The following CHP1 variants were observed in gnomAD, a reference collection of about 807,000 sequenced individuals.
CHP1 encodes the protein calcineurin B homologous protein 1.
In CHP1, 11 loss-of-function variants were observed where a neutral mutation model predicts 27.4. The ratio of observed to expected loss-of-function variants is 0.40; its 90% CI spans 0.25 to 0.67. The LOEUF (loss-of-function observed/expected upper bound fraction) is 0.67, where lower values mean the gene tolerates loss of function less well. CHP1 is among the 30% of genes least tolerant of loss of function. The probability of loss-of-function intolerance (pLI) is 0.38; values close to 1 mark genes in which losing one functional copy is unlikely to be tolerated. For synonymous variants in CHP1, 89 were observed against 87.4 expected, an observed-to-expected ratio of 1.02 and a Z score of -0.10; for missense variants, 169 against 251.3, an observed-to-expected ratio of 0.67 and a Z score of 2.22.
chr15:41,241,081 T>C (rs1368230896), intron 1 of CHP1, among the ~76,000 whole-genome samples: 1 of 152,136 alleles, frequency 6.6e-6, no homozygotes, highest in Non-Finnish European at 1.5e-5. Context: ...TCGATCTCTT[T>C]TCCTCAGCAT....
At chr15:41,247,294 G>A (rs918844849) in intron 2 of CHP1, among the ~76,000 whole-genome samples, 9 of 151,818 alleles carry the variant, frequency 5.9e-5, no homozygotes, top group Non-Finnish European at 1.0e-4. Context: ...GCTTGAACCC[G>A]GGAGGCGGAG....
intron 4 of CHP1, among the ~76,000 whole-genome samples, chr15:41,268,705 G>T (rs1018041351): frequency 4.6e-5 from 7 of 151,126 alleles, no homozygotes; most frequent in East Asian, 3.9e-4. Context: ...ACTTTGGGAG[G>T]CCGAGGTGGT....
At chr15:41,262,649 A>G in intron 3 of CHP1, 107 bp from the exon 4 acceptor site, 8 of 1,412,454 alleles carry the variant, frequency 5.7e-6, no homozygotes, top group Non-Finnish European at 7.8e-6. Context: ...ACCTCATTAA[A>G]TGACCTTTCA....
chr15:41,256,689 G>A (rs2047402156), intron 2 of CHP1: 2 of 547,472 alleles, frequency 3.7e-6, no homozygotes, highest in Admixed American at 3.3e-5. Flanking sequence ...TCACTGGAAT[G>A]TGGCGTAATC....
chr15:41,262,041 C>G (rs968353297), intron 3 of CHP1, among the ~76,000 whole-genome samples: 2 of 146,548 alleles, frequency 1.4e-5, no homozygotes, highest in African/African-American at 5.1e-5. Context: ...TGGTGGCGGG[C>G]GTCTGTAGTT....
intron 1 of CHP1, among the ~76,000 whole-genome samples, chr15:41,232,469 C>T (rs2047255194): frequency 6.6e-6 from 1 of 152,042 alleles, no homozygotes. Flanking sequence ...CCTCGGCCTC[C>T]CAAAGTGCTG....
chr15:41,257,682 C>T (rs2047407739), intron 3 of CHP1, among the ~76,000 whole-genome samples: 1 of 151,912 alleles, frequency 6.6e-6, no homozygotes, highest in Non-Finnish European at 1.5e-5. Flanking sequence ...GCCTCAGCCT[C>T]CGAGATAGTT....
At chr15:41,279,013 C>A (rs768716291) in intron 6 of CHP1, 124 bp downstream of exon 6, 5 of 1,209,458 alleles carry the variant, frequency 4.1e-6, no homozygotes, top group African/African-American at 1.5e-5. Context: ...GAGTTCAAGA[C>A]CAGCCTGGCT....
intron 1 of CHP1, among the ~76,000 whole-genome samples, chr15:41,239,124 AG>A (rs1367557855): frequency 6.6e-5 from 10 of 152,170 alleles, no homozygotes; most frequent in Non-Finnish European, 1.5e-4. Flanking sequence ...CAGTGAATTT[AG>A]TACCTAAATT....
intron 1 of CHP1, among the ~76,000 whole-genome samples, chr15:41,241,360 A>G (rs2047306202): frequency 8.5e-5 from 13 of 152,234 alleles, no homozygotes; most frequent in Admixed American, 8.5e-4. Context: ...TGTAAGCATG[A>G]TGCTGATAAT....
At chr15:41,253,819 C>CT (rs2047384036) in intron 2 of CHP1, among the ~76,000 whole-genome samples, 1 of 151,936 alleles carries the variant, frequency 6.6e-6, no homozygotes, top group Non-Finnish European at 1.5e-5. Flanking sequence ...GGGTCTCACT[C>CT]TGTCACCCAG....
intron 2 of CHP1, among the ~76,000 whole-genome samples, chr15:41,251,821 TA>T (rs1490431514): frequency 6.6e-6 from 1 of 150,798 alleles, no homozygotes; most frequent in Non-Finnish European, 1.5e-5. Context: ...TTTTTTTTTT[TA>T]ATTAGAGACA....
At chr15:41,241,828 G>A (rs1350985018) in intron 1 of CHP1, among the ~76,000 whole-genome samples, 1 of 152,160 alleles carries the variant, frequency 6.6e-6, no homozygotes, top group African/African-American at 2.4e-5. Context: ...GTACATTTTT[G>A]TTTCATGAGC....
chr15:41,248,282 A>G (rs2047346627), intron 2 of CHP1, among the ~76,000 whole-genome samples: 1 of 152,020 alleles, frequency 6.6e-6, no homozygotes, highest in Non-Finnish European at 1.5e-5. Flanking sequence ...CCAAGTAGCT[A>G]GGACTACAGG....
intron 1 of CHP1, among the ~76,000 whole-genome samples, chr15:41,232,732 C>G (rs1012990664): frequency 1.3e-5 from 2 of 152,182 alleles, no homozygotes; most frequent in African/African-American, 4.8e-5. Flanking sequence ...CACCTGAGCT[C>G]TGTCTCTTCA....
intron 2 of CHP1, among the ~76,000 whole-genome samples, chr15:41,245,432 G>A (rs895925652): frequency 1.3e-5 from 2 of 152,222 alleles, no homozygotes; most frequent in African/African-American, 4.8e-5. Context: ...AGTGAGCCCA[G>A]ATTGTGCTGC....
At chr15:41,257,305 C>T (rs777462667) in intron 3 of CHP1, among the ~76,000 whole-genome samples, 29 of 151,946 alleles carry the variant, frequency 1.9e-4, no homozygotes, top group Non-Finnish European at 3.2e-4. Flanking sequence ...AAAAGTAATT[C>T]GGAGAATACT....
chr15:41,244,799 T>A (rs546059577), intron 2 of CHP1, among the ~76,000 whole-genome samples: 3 of 152,360 alleles, frequency 2.0e-5, no homozygotes, highest in African/African-American at 7.2e-5. Context: ...AATGAAATAT[T>A]CTTTACCATT....
At chr15:41,266,680 AC>A (rs1380500824) in intron 4 of CHP1, among the ~76,000 whole-genome samples, 1 of 152,184 alleles carries the variant, frequency 6.6e-6, no homozygotes, top group Non-Finnish European at 1.5e-5. Context: ...GTGTACACAT[AC>A]AATGAAATAT....
Sources: gnomAD v4.1 joint callset for allele counts (sites outside exome capture counted in the v4.1 genomes callset) on GRCh38, gnomAD v4.1.1 for gene constraint, MANE v1.5 for transcripts, NCBI Gene and HGNC (gene_info 2026-07-23, HGNC 2026-07-21) for gene names.